The following ARHGAP26 variants were observed in gnomAD, a reference collection of about 807,000 sequenced individuals.
ARHGAP26 encodes rho GTPase-activating protein 26.
In ARHGAP26, 38 loss-of-function variants were observed where a neutral mutation model predicts 104.8. The ratio of observed to expected loss-of-function variants is 0.36; its 90% confidence interval spans 0.28 to 0.48. ARHGAP26 has a LOEUF of 0.48. ARHGAP26 is among the 20% of genes least tolerant of loss of function. The pLI is 0.99. For missense variants in ARHGAP26, 704 were observed against 947.9 expected, an observed-to-expected ratio of 0.74 and a Z score of 3.38; for synonymous variants, 341 against 340.0, an observed-to-expected ratio of 1.00 and a Z score of -0.03.
chr5:142,966,859 A>G (rs1771442250), intron 11 of ARHGAP26, among the ~76,000 whole-genome samples: 1 of 152,246 alleles, frequency 6.6e-6, no homozygotes, highest in Non-Finnish European at 1.5e-5. Context: ...GCAATAAGTA[A>G]ACTATGGTAT....
chr5:143,203,554 C>T (rs1808100339), intron 20 of ARHGAP26: 1 of 152,168 alleles, frequency 6.6e-6, no homozygotes, highest in Non-Finnish European at 1.5e-5. Context: ...CCATTTGACC[C>T]AGCAATCCCA....
chr5:143,086,779 C>T (rs1020309470), intron 17 of ARHGAP26, among the ~76,000 whole-genome samples: 26 of 152,200 alleles, frequency 1.7e-4, no homozygotes, highest in African/African-American at 5.8e-4. Context: ...TCTTCCCTCT[C>T]GCTCAGGGGT....
Position 142,836,715 on chromosome 5 carries a change from A to G in ARHGAP26, c.155-36685A>G, listed in dbSNP as rs1232343092. Among the ~76,000 whole-genome samples, 3 of 152,244 alleles carry G rather than the reference A, an allele frequency of 2.0e-5. No homozygotes were observed. The East Asian group carries it at 5.8e-4, about 29-fold the overall frequency. ...AAGGAGTTTGAAATTGCAAATATAAATAAGACTTTATGGTTCATGTTGTTA... is the reference window on the plus strand; with the variant it reads ...AAGGAGTTTGAAATTGCAAATATAAGTAAGACTTTATGGTTCATGTTGTTA... On this transcript the variant is annotated intron_variant, in intron 1 of 22. Transcript: ENST00000645722.
At chr5:142,788,337 C>T (rs959661950) in intron 1 of ARHGAP26, among the ~76,000 whole-genome samples, 1 of 152,120 alleles carries the variant, frequency 6.6e-6, no homozygotes, top group African/African-American at 2.4e-5. Context: ...TCCCATTTCT[C>T]TGCTTGCTTC....
Position 142,879,398 on chromosome 5 carries a change from A to C in ARHGAP26, c.337A>C (p.Ile113Leu). Residue 113 changes from isoleucine to leucine, a missense_variant, in exon 4 of 23, where the codon ATC becomes CTC. By Grantham distance (5) the Ile-to-Leu change is conservative. Coordinates refer to ENST00000645722, the MANE Select transcript of ARHGAP26 (RefSeq NM_001135608.3). ...RMIENASEVL[I>L]TPLEKFRKEQ... ...GATTGAGAATGCCAGCGAGGTGCTC[A>C]TCACTCCCTTGGAGAAGTTTCGAAA... is the stretch of plus-strand genomic sequence containing the variant. The C allele has an allele frequency of 6.2e-7, 1 of 1,614,152 alleles. No homozygotes were observed. Among genetic ancestry groups the C allele is most frequent in the African/African-American group, 1.3e-5 (1 of 75,026 alleles).
chr5:143,098,270 A>C (rs1452539495), intron 17 of ARHGAP26, among the ~76,000 whole-genome samples: 2 of 152,342 alleles, frequency 1.3e-5, no homozygotes, highest in African/African-American at 4.8e-5. Flanking sequence ...ATAACTGTTA[A>C]ATGGTATTTT....
intron 17 of ARHGAP26, among the ~76,000 whole-genome samples, chr5:143,114,280 C>A (rs111483788): frequency 2.8e-4 from 43 of 152,294 alleles, no homozygotes; most frequent in African/African-American, 1.0e-3. Flanking sequence ...GTCCTGCAAG[C>A]TGTGTTCATG....
At chr5:143,166,169 C>A in intron 20 of ARHGAP26, 1 of 1,138,132 alleles carries the variant, frequency 8.8e-7, no homozygotes, top group Non-Finnish European at 1.1e-6. Context: ...CTTCCCCTAA[C>A]TCATCTAGAA....
At chr5:142,873,649 G>A (rs192983111) in intron 2 of ARHGAP26, among the ~76,000 whole-genome samples, 154 bp downstream of exon 2, 92 of 152,280 alleles carry the variant, frequency 6.0e-4, no homozygotes, top group African/African-American at 2.0e-3. Context: ...TGTGAGGATC[G>A]GAGCTTGGGG....
At chr5:143,079,784 G>A (rs1310574673) in intron 17 of ARHGAP26, among the ~76,000 whole-genome samples, 2 of 152,170 alleles carry the variant, frequency 1.3e-5, no homozygotes, top group African/African-American at 4.8e-5. Context: ...ATCCAGTGGT[G>A]CAGCGTGCCT....
chr5:142,900,260 G>T (rs551764212), intron 6 of ARHGAP26, among the ~76,000 whole-genome samples: 6 of 152,124 alleles, frequency 3.9e-5, no homozygotes, highest in Non-Finnish European at 8.8e-5. Flanking sequence ...CAAAGCCTTC[G>T]GCCGTCTTTG....
intron 17 of ARHGAP26, among the ~76,000 whole-genome samples, chr5:143,102,443 G>A (rs1793382033): frequency 6.6e-6 from 1 of 152,194 alleles, no homozygotes; most frequent in African/African-American, 2.4e-5. Context: ...CCTAGAACAA[G>A]TTCTTATCAG....
chr5:143,093,030 C>G (rs2150544822), intron 17 of ARHGAP26, among the ~76,000 whole-genome samples: 1 of 152,290 alleles, frequency 6.6e-6, no homozygotes, highest in East Asian at 1.9e-4. Flanking sequence ...AGATTTAGAT[C>G]CCCTGTTAGG....
intron 17 of ARHGAP26, among the ~76,000 whole-genome samples, chr5:143,109,533 C>T (rs890435103): frequency 1.3e-5 from 2 of 152,118 alleles, no homozygotes; most frequent in Admixed American, 6.5e-5. Context: ...CAGCTCACTG[C>T]AACCTCCATC....
chr5:143,135,870 T>G (rs1307458541), intron 19 of ARHGAP26, among the ~76,000 whole-genome samples: 1 of 152,230 alleles, frequency 6.6e-6, no homozygotes, highest in African/African-American at 2.4e-5. Context: ...TTTAAATATC[T>G]GGCTGGGGTC....
At chr5:143,139,336 G>T (rs1241662938) in intron 19 of ARHGAP26, among the ~76,000 whole-genome samples, 1 of 152,138 alleles carries the variant, frequency 6.6e-6, no homozygotes, top group Non-Finnish European at 1.5e-5. Context: ...AGTAAACTGA[G>T]GTCAAGAGGT....
At chr5:143,112,748 A>G (rs540546167) in intron 17 of ARHGAP26, among the ~76,000 whole-genome samples, 21 of 152,308 alleles carry the variant, frequency 1.4e-4, no homozygotes, top group Admixed American at 1.0e-3. Context: ...ACCTAACACA[A>G]TATCCCCAAG....
intron 17 of ARHGAP26, among the ~76,000 whole-genome samples, chr5:143,062,159 G>A (rs1197733907): frequency 6.6e-6 from 1 of 152,152 alleles, no homozygotes; most frequent in African/African-American, 2.4e-5. Context: ...AAGATATATA[G>A]GACAAAAAAG....
intron 5 of ARHGAP26, among the ~76,000 whole-genome samples, chr5:142,893,880 T>C (rs528138493): frequency 5.3e-4 from 81 of 152,146 alleles, no homozygotes; most frequent in Middle Eastern, 6.8e-3. Flanking sequence ...TATTTGTGTG[T>C]CTTCTTTTGA....
Sources: gnomAD v4.1 joint callset for allele counts (sites outside exome capture counted in the v4.1 genomes callset) on GRCh38, gnomAD v4.1.1 for gene constraint, MANE v1.5 for transcripts, NCBI Gene and HGNC (gene_info 2026-07-23, HGNC 2026-07-21) for gene names.